The following DYSF variants were observed in gnomAD, a reference collection of about 807,000 sequenced individuals.
The protein encoded by DYSF is dysferlin.
A neutral mutation model predicts 274.9 loss-of-function variants in DYSF; 212 were observed. The ratio of observed to expected loss-of-function variants is 0.77; its 90% CI spans 0.69 to 0.86. The LOEUF (loss-of-function observed/expected upper bound fraction) is 0.86. Ranked by LOEUF, DYSF falls within the 40% of genes least tolerant of loss-of-function variation. The pLI, the probability that DYSF is intolerant of heterozygous loss-of-function variation, is 0.00. For synonymous variants in DYSF, 1,091 were observed against 1,078.7 expected, an observed-to-expected ratio of 1.01 and a Z score of -0.22; for missense variants, 2,666 against 2,783.2, an observed-to-expected ratio of 0.96 and a Z score of 0.95.
rs2081568765 is a variant in DYSF, at chr2:71,466,864, A to G, written c.22A>G (p.Arg8Gly). Residue 8 changes from arginine (R) to glycine (G), a missense_variant, in exon 1 of 56, where the codon AGG (arginine) becomes GGG (glycine). Coordinates refer to ENST00000410020, the MANE Select transcript of DYSF (RefSeq NM_001130987.2). The stretch of plus-strand genomic sequence containing the variant: ...AGCCATGCTGTGCTGCCTGCTGGTG[A>G]GGGCCAGCAACCTCCCCAGTGCGAA... The part of the protein sequence containing the change: MLCCLLV[R>G]ASNLPSAKKD... The G allele has an allele frequency of 6.5e-7, 1 of 1,543,760 alleles. No individual in the cohort carries two copies. Among genetic ancestry groups the G allele is most frequent in the Admixed American group, 2.0e-5 (1 of 50,846 alleles).
chr2:71,569,412 C>T (rs2092299691), intron 26 of DYSF, among the ~76,000 whole-genome samples: 1 of 152,200 alleles, frequency 6.6e-6, no homozygotes, highest in Admixed American at 6.5e-5. Flanking sequence ...GTTTGGTTGG[C>T]ATTCAACTCT....
At chr2:71,659,183 T>A in intron 44 of DYSF, 150 bp downstream of exon 44, 1 of 1,168,644 alleles carries the variant, frequency 8.6e-7, no homozygotes, top group Non-Finnish European at 1.2e-6. Flanking sequence ...TGGATGGAGT[T>A]GTGTTAAGGA....
intron 1 of DYSF, among the ~76,000 whole-genome samples, chr2:71,475,838 A>G (rs1213490774): frequency 6.6e-6 from 1 of 152,140 alleles, no homozygotes; most frequent in Non-Finnish European, 1.5e-5. Context: ...GTACGACCAC[A>G]GCTCACTGCA....
intron 12 of DYSF, 33 bp from the exon 13 acceptor site, chr2:71,526,187 G>A (rs370084779): frequency 1.5e-5 from 25 of 1,613,996 alleles, no homozygotes; most frequent in African/African-American, 8.0e-5. Context: ...GCTCAGGAGC[G>A]CATGAAGGAA....
At chr2:71,669,338 G>C in intron 50 of DYSF, 131 bp downstream of exon 50, 1 of 924,398 alleles carries the variant, frequency 1.1e-6, no homozygotes, top group South Asian at 1.4e-5. Flanking sequence ...GGGCTCCTGG[G>C]GGTGGTCCCT....
At chr2:71,533,952 C>T (rs559752844) in intron 14 of DYSF, among the ~76,000 whole-genome samples, 31 of 152,292 alleles carry the variant, frequency 2.0e-4, no homozygotes, top group Non-Finnish European at 2.8e-4. Context: ...TGGATTGGAT[C>T]GTTGGTCTCT....
Position 71,503,269 on chromosome 2 carries a change from TCCG to T in DYSF, c.298_300del (p.Ala100del), listed in dbSNP as rs1316197789. ...AGAGGTCCTCGCCACCCCTAGTCTGTCCGCCAGCTTCAATGCCCCCCTGCTGGA... is the reference window on the plus strand; with the variant it reads ...AGAGGTCCTCGCCACCCCTAGTCTGTCCAGCTTCAATGCCCCCCTGCTGGA... On this transcript the variant is annotated inframe_deletion, in exon 4 of 56. Transcript: ENST00000410020. The T allele has an allele frequency of 1.2e-6, 2 of 1,614,092 alleles. No homozygotes were observed. Among genetic ancestry groups the T allele is most frequent in the East Asian group, 4.5e-5 (2 of 44,870 alleles).
chr2:71,600,102 C>G (rs1348954927), intron 33 of DYSF, among the ~76,000 whole-genome samples: 2 of 152,210 alleles, frequency 1.3e-5, no homozygotes, highest in African/African-American at 4.8e-5. Flanking sequence ...GCGGTATGAG[C>G]TGCAGGCTGC....
chr2:71,600,397 A>C (rs2093520102), intron 33 of DYSF, among the ~76,000 whole-genome samples: 1 of 152,210 alleles, frequency 6.6e-6, no homozygotes, highest in Admixed American at 6.5e-5. Flanking sequence ...TCTGGTCTCC[A>C]ATAGTCTTAG....
Position 71,658,970 on chromosome 2 carries a change from G to A in DYSF, c.4848G>A (p.Glu1616=), listed in dbSNP as rs62145939. The A allele has an allele frequency of 0.023, 36,649 of 1,614,160 alleles. 487 individuals are homozygous for A. Among genetic ancestry groups the A allele is most frequent in the Non-Finnish European group, 0.026 (30,937 of 1,180,014 alleles). The part of the protein sequence containing the change: ...FHQLAAQGPQ[E]CLVRIYIVRA... ...AGCTGGCCGCCCAGGGACCCCAGGA[G>A]TGCTTGGTCCGTATCTACATTGTCC... Residue 1616 remains glutamate, a synonymous_variant, in exon 44 of 56, where the codon GAG becomes GAA. Coordinates refer to ENST00000410020, the MANE Select transcript of DYSF (RefSeq NM_001130987.2).
At chr2:71,576,559 G>A (rs2042828) in intron 30 of DYSF, 54,160 of 153,496 alleles carry the variant, frequency 0.35, 10,309 homozygotes, top group African/African-American at 0.49. Context: ...AGGCCGCAGG[G>A]CGGGGTGGGG....
intron 1 of DYSF, among the ~76,000 whole-genome samples, chr2:71,471,297 T>A (rs1175822262): frequency 6.6e-6 from 1 of 152,186 alleles, no homozygotes; most frequent in African/African-American, 2.4e-5. Context: ...GCAGAAGATA[T>A]AAATATATGA....
chr2:71,587,166 G>A (rs969646275), intron 30 of DYSF, among the ~76,000 whole-genome samples: 1 of 152,228 alleles, frequency 6.6e-6, no homozygotes, highest in Non-Finnish European at 1.5e-5. Flanking sequence ...GGGGTGTTCT[G>A]TGGTCATTCA....
chr2:71,514,831 A>G (rs920714320), intron 7 of DYSF, among the ~76,000 whole-genome samples: 9 of 152,140 alleles, frequency 5.9e-5, no homozygotes, highest in Admixed American at 3.9e-4. Context: ...ACATGTTCAT[A>G]TTGCCTTTGT....
In DYSF at chr2:71,480,947, GT is replaced by G. The variant is rs1379285523; in HGVS notation, c.147+14del. 1.2e-6 allele frequency: 2 copies of G among 1,613,666 alleles called. No homozygotes were observed. The highest frequency in any genetic ancestry group is 2.2e-5 in the East Asian group (1 of 44,892). Reference sequence around the variant, plus strand: ...ACCCTGTATGGAATGAGGTATGTGAGTTTTTCTCCTTCCTTTTCTCTCTGTC... The same window carrying G: ...ACCCTGTATGGAATGAGGTATGTGAGTTTTCTCCTTCCTTTTCTCTCTGTC... On this transcript the variant is annotated intron_variant, in intron 2 of 55. Coordinates refer to ENST00000410020, the MANE Select transcript of DYSF (RefSeq NM_001130987.2).
chr2:71,671,563 G>T (rs2095122282), intron 51 of DYSF, among the ~76,000 whole-genome samples: 1 of 152,256 alleles, frequency 6.6e-6, no homozygotes, highest in Admixed American at 6.5e-5. Context: ...TGGATTAGGA[G>T]TGGCTGTTTT....
In DYSF at chr2:71,656,146, TC is replaced by T. The variant is rs780748636; in HGVS notation, c.4627-12del. The T allele has an allele frequency of 6.8e-6, 11 of 1,613,932 alleles. No homozygotes were observed. The East Asian group carries it at 1.8e-4, about 26-fold the overall frequency. ...TTCTGTCTCTTGTCCCCTCCTCTAATCCCCATGTGTGGCAGGTCTATGACAC... is the reference window on the plus strand; with the variant it reads ...TTCTGTCTCTTGTCCCCTCCTCTAATCCCATGTGTGGCAGGTCTATGACAC... On this transcript the variant is annotated splice_polypyrimidine_tract_variant and intron_variant, in intron 42 of 55. Coordinates refer to ENST00000410020, the MANE Select transcript of DYSF (RefSeq NM_001130987.2).
At chr2:71,489,028 G>A (rs936491867) in intron 3 of DYSF, among the ~76,000 whole-genome samples, 4 of 152,122 alleles carry the variant, frequency 2.6e-5, no homozygotes, top group South Asian at 4.1e-4. Flanking sequence ...TGGAATAAGC[G>A]TGGACTTTGA....
chr2:71,631,863 G>A (rs1031600749), intron 41 of DYSF, among the ~76,000 whole-genome samples: 2 of 151,964 alleles, frequency 1.3e-5, no homozygotes, highest in African/African-American at 4.8e-5. Context: ...CTGCAGGGGG[G>A]ACAGCCTGGG....
Sources: gnomAD v4.1 joint callset for allele counts (sites outside exome capture counted in the v4.1 genomes callset) on GRCh38, gnomAD v4.1.1 for gene constraint, MANE v1.5 for transcripts, NCBI Gene and HGNC (gene_info 2026-07-23, HGNC 2026-07-21) for gene names.